RBFOX1: variants seen among roughly 807,000 people sequenced by gnomAD.
RBFOX1 encodes RNA binding fox-1 homolog 1.
A neutral mutation model predicts 57.7 loss-of-function variants in RBFOX1; 8 were observed. The observed-to-expected ratio is 0.14, with a 90% CI of 0.08 to 0.25. The LOEUF (loss-of-function observed/expected upper bound fraction) is 0.25, where lower values mean the gene tolerates loss of function less well. Among genes scored for constraint, RBFOX1 ranks in the 10% least tolerant of loss-of-function variants. The pLI is 1.00. For missense variants in RBFOX1, 611 were observed against 548.5 expected (o/e 1.11, Z -1.14); for synonymous variants, 326 against 222.4 (o/e 1.47, Z -4.15).
At chr16:5,516,791 C>G (rs1431526805) in intron 2 of RBFOX1, among the ~76,000 whole-genome samples, 5 of 152,072 alleles carry the variant, frequency 3.3e-5, no homozygotes, top group Non-Finnish European at 7.4e-5. Context: ...GGGCTTTTCT[C>G]CTTTTGCTCG....
chr16:5,702,767 G>C (rs2051098630), intron 3 of RBFOX1, among the ~76,000 whole-genome samples: 1 of 152,184 alleles, frequency 6.6e-6, no homozygotes, highest in Non-Finnish European at 1.5e-5. Context: ...TGAACATGCT[G>C]CTTGGGGGTT....
At chr16:7,310,610 A>C (rs1349243198) in intron 4 of RBFOX1, among the ~76,000 whole-genome samples, 1 of 152,204 alleles carries the variant, frequency 6.6e-6, no homozygotes, top group Non-Finnish European at 1.5e-5. Flanking sequence ...CCACTTCCTA[A>C]GTCCTGCCAA....
At chr16:7,151,535 C>T (rs2076107177) in intron 4 of RBFOX1, among the ~76,000 whole-genome samples, 1 of 152,084 alleles carries the variant, frequency 6.6e-6, no homozygotes, top group Non-Finnish European at 1.5e-5. Context: ...ACCAGCACTC[C>T]CCAACCTTTT....
intron 2 of RBFOX1, among the ~76,000 whole-genome samples, chr16:6,357,838 C>G (rs901510834): frequency 8.6e-5 from 13 of 151,714 alleles, no homozygotes; most frequent in African/African-American, 3.2e-4. Flanking sequence ...GCAGTCCCAA[C>G]TACTTGGGAG....
Position 6,829,349 on chromosome 16 carries a change from A to C in RBFOX1, c.-16+174699A>C, listed in dbSNP as rs139919984. ...ATAAGGAGGCAAGAATATGTGAGGA[A>C]GTAAATTCAATGTGTACACACACAT... On this transcript the variant is annotated intron_variant, in intron 3 of 15. Coordinates refer to ENST00000550418, the MANE Select transcript of RBFOX1 (RefSeq NM_018723.4). Among the ~76,000 whole-genome samples, 534 of 152,182 alleles carry C rather than the reference A, an allele frequency of 3.5e-3. 2 individuals carry two copies. The highest frequency in any genetic ancestry group is 6.8e-3 in the Middle Eastern group (2 of 292).
At chr16:7,355,648 T>C (rs561959721) in intron 4 of RBFOX1, among the ~76,000 whole-genome samples, 27 of 152,346 alleles carry the variant, frequency 1.8e-4, no homozygotes, top group Non-Finnish European at 2.8e-4. Context: ...TCTATCATTC[T>C]ATATTGTGAC....
At chr16:5,552,092 C>T (rs972097440) in intron 2 of RBFOX1, among the ~76,000 whole-genome samples, 4 of 152,112 alleles carry the variant, frequency 2.6e-5, no homozygotes, top group Non-Finnish European at 4.4e-5. Context: ...TGTCGTGTTA[C>T]CGTGAAATTG....
rs918243041 is a variant in RBFOX1 at position 6,953,383 on chromosome 16, G to A, written c.-15-98674G>A. ...GTTTCCCATATACATGATTTTTTTT[G>A]TTGTTGTTATTGTTTTTTTTTGAGA... On this transcript the variant is annotated intron_variant, in intron 3 of 15. Coordinates refer to ENST00000550418, the MANE Select transcript of RBFOX1 (RefSeq NM_018723.4). 4.7e-5 allele frequency among the ~76,000 whole-genome samples: 7 copies of A among 147,492 alleles called. No individual in the cohort carries two copies. The South Asian group carries it at 1.3e-3, about 28-fold the overall frequency.
At chr16:6,594,828 G>A (rs141938159) in intron 2 of RBFOX1, among the ~76,000 whole-genome samples, 525 of 152,152 alleles carry the variant, frequency 3.5e-3, no homozygotes, top group Middle Eastern at 0.01. Context: ...TCATTCCGTC[G>A]CCCAGGCTGG....
chr16:7,552,255 T>C (rs1411857465), intron 5 of RBFOX1, among the ~76,000 whole-genome samples: 1 of 152,220 alleles, frequency 6.6e-6, no homozygotes, highest in Non-Finnish European at 1.5e-5. Flanking sequence ...GGTATGCTTC[T>C]TTATTTCCAT....
intron 3 of RBFOX1, among the ~76,000 whole-genome samples, chr16:6,806,836 A>ATATATATATATAAATATATATATATATAT (rs754342591): frequency 1.1e-5 from 1 of 91,904 alleles, no homozygotes; most frequent in African/African-American, 4.1e-5. Context: ...ATATATATAT[A>ATATATATATATAAATATATATATATATAT]TTTTTTTTTT....
At chr16:6,895,379 C>T (rs988656155) in intron 3 of RBFOX1, among the ~76,000 whole-genome samples, 1 of 146,422 alleles carries the variant, frequency 6.8e-6, no homozygotes, top group East Asian at 2.0e-4. Flanking sequence ...AACTGGTTTA[C>T]CCTCTTCGTC....
intron 2 of RBFOX1, among the ~76,000 whole-genome samples, chr16:6,436,562 C>A: frequency 7.9e-6 from 1 of 125,992 alleles, no homozygotes; most frequent in Admixed American, 9.1e-5. Flanking sequence ...ACATATAGGT[C>A]CAAGTTGAAA....
chr16:7,448,927 G>GTTTTTTTTTTTTTTTTTTTTT (rs71147700), intron 4 of RBFOX1, among the ~76,000 whole-genome samples: 1 of 82,978 alleles, frequency 1.2e-5, no homozygotes, highest in African/African-American at 4.6e-5. Flanking sequence ...TCTTTCCCCT[G>GTTTTTTTTTTTTTTTTTTTTT]TTTTTTTTTT....
chr16:7,705,072 A>T (rs2082002596), intron 14 of RBFOX1, among the ~76,000 whole-genome samples: 1 of 148,462 alleles, frequency 6.7e-6, no homozygotes, highest in Admixed American at 6.7e-5. Context: ...AAAGGCAGAG[A>T]GCCAGAGAAA....
At chr16:6,092,316 G>T (rs1164762553) in intron 1 of RBFOX1, 1 of 152,184 alleles carries the variant, frequency 6.6e-6, no homozygotes, top group African/African-American at 2.4e-5. Context: ...TGAGGATGGT[G>T]AAACTGAGAG....
chr16:5,997,110 C>T (rs1375429267), intron 4 of RBFOX1, among the ~76,000 whole-genome samples: 1 of 149,096 alleles, frequency 6.7e-6, no homozygotes, highest in African/African-American at 2.5e-5. Flanking sequence ...GAAGCACCTC[C>T]GTCTCTGCTG....
chr16:6,279,373 G>C (rs1402474288), intron 1 of RBFOX1, among the ~76,000 whole-genome samples: 7 of 152,176 alleles, frequency 4.6e-5, no homozygotes, highest in African/African-American at 1.7e-4. Context: ...CTGCCTTGAA[G>C]GGGAGACTGT....
At chr16:6,468,970 T>C (rs892077099) in intron 2 of RBFOX1, among the ~76,000 whole-genome samples, 2 of 152,004 alleles carry the variant, frequency 1.3e-5, no homozygotes, top group African/African-American at 4.8e-5. Context: ...TAGGGCCCAT[T>C]GTGTGTTGTT....
Sources: gnomAD v4.1 joint callset for allele counts (sites outside exome capture counted in the v4.1 genomes callset) on GRCh38, gnomAD v4.1.1 for gene constraint, MANE v1.5 for transcripts, NCBI Gene and HGNC (gene_info 2026-07-23, HGNC 2026-07-21) for gene names.